Variants in TOGARAM2 observed in about 807,000 individuals in gnomAD.
TOGARAM2 encodes the protein TOG array regulator of axonemal microtubules protein 2.
Under a neutral mutation model 93.3 loss-of-function variants are expected in TOGARAM2, and 85 were observed. The ratio of observed to expected loss-of-function variants is 0.91; its 90% confidence interval spans 0.76 to 1.09. TOGARAM2 has a LOEUF of 1.09. Among genes scored for constraint, TOGARAM2 ranks in the 50% least tolerant of loss-of-function variants. TOGARAM2 has a pLI of 0.00. For synonymous variants in TOGARAM2, 593 were observed against 552.8 expected (o/e 1.07, Z -1.02); for missense variants, 1,277 against 1,334.5 (o/e 0.96, Z 0.67).
At chr2:28,980,365 G>C (rs1672130757), upstream of TOGARAM2, among the ~76,000 whole-genome samples, 1 of 152,232 alleles carries the variant, frequency 6.6e-6, no homozygotes, top group South Asian at 2.1e-4. Flanking sequence ...CCCAGGCCTC[G>C]TGGGGTGTAG....
At chr2:28,978,801 C>T (rs1051458941), upstream of TOGARAM2, among the ~76,000 whole-genome samples, 4 of 152,018 alleles carry the variant, frequency 2.6e-5, no homozygotes, top group Admixed American at 1.3e-4. Flanking sequence ...CCAGGAGAGT[C>T]GGGGCAATGA....
chr2:29,041,658 A>G (rs533837259), intron 18 of TOGARAM2, among the ~76,000 whole-genome samples: 27 of 152,230 alleles, frequency 1.8e-4, no homozygotes, highest in African/African-American at 4.6e-4. Context: ...CTCATTGTAG[A>G]GAGGGGAGTC....
chr2:29,047,229 G>C (rs1254377482), intron 19 of TOGARAM2: 1 of 152,378 alleles, frequency 6.6e-6, no homozygotes, highest in East Asian at 1.9e-4. Context: ...GGGGAGAACA[G>C]GGTATGTAAG....
At chr2:28,958,679 G>C (rs1671758671) in intron 1 of TOGARAM2, among the ~76,000 whole-genome samples, 1 of 152,104 alleles carries the variant, frequency 6.6e-6, no homozygotes, top group African/African-American at 2.4e-5. Flanking sequence ...TGAATTCAGG[G>C]GAAGCACGAC....
At chr2:28,995,269 G>T (rs1359981251) in intron 2 of TOGARAM2, among the ~76,000 whole-genome samples, 4 of 152,260 alleles carry the variant, frequency 2.6e-5, no homozygotes, top group African/African-American at 7.2e-5. Context: ...TGTGTGGCCA[G>T]TTAGCATCAG....
chr2:29,011,388 G>T, intron 6 of TOGARAM2, 67 bp from the exon 7 acceptor site: 1 of 1,519,144 alleles, frequency 6.6e-7, no homozygotes, highest in Admixed American at 1.8e-5. Flanking sequence ...AGCCACCCTG[G>T]GCTCCCCCAG....
intron 6 of TOGARAM2, among the ~76,000 whole-genome samples, chr2:29,008,844 T>G (rs896375553): frequency 2.0e-5 from 3 of 152,216 alleles, no homozygotes; most frequent in Non-Finnish European, 4.4e-5. Context: ...GTGGCTTCTG[T>G]GGGGCCAGGA....
chr2:29,027,110 G>A (rs1665437155), intron 14 of TOGARAM2, 99 bp downstream of exon 14: 1 of 1,261,466 alleles, frequency 7.9e-7, no homozygotes, highest in Non-Finnish European at 1.1e-6. Flanking sequence ...GGATCCTGCA[G>A]AGGGACAGGC....
upstream of TOGARAM2, among the ~76,000 whole-genome samples, chr2:28,978,371 G>A (rs1448558657): frequency 1.3e-5 from 2 of 152,166 alleles, no homozygotes; most frequent in Non-Finnish European, 2.9e-5. Flanking sequence ...CCAGCTACGT[G>A]TTCAGGAGAC....
intron 18 of TOGARAM2, 132 bp downstream of exon 18, chr2:29,036,889 G>T: frequency 1.1e-6 from 1 of 880,166 alleles, no homozygotes. Flanking sequence ...TAGGGCAGAG[G>T]TGGAGCCCAG....
At chr2:28,958,111 GAC>G (rs900583303) in intron 1 of TOGARAM2, among the ~76,000 whole-genome samples, 1 of 152,188 alleles carries the variant, frequency 6.6e-6, no homozygotes, top group Non-Finnish European at 1.5e-5. Flanking sequence ...GAAAGTGAAA[GAC>G]AAATAGGTCC....
rs1381443473 is a variant in TOGARAM2, at chr2:29,051,745, C to T, written c.2723-11C>T. 3 of 1,474,600 alleles carry T rather than the reference C, an allele frequency of 2.0e-6. No homozygotes were observed. Among genetic ancestry groups the T allele is most frequent in the East Asian group, 2.5e-5 (1 of 39,590 alleles). The allele number at this position is 1,474,600 out of a possible 1,614,324, so 91.3% of individuals were successfully genotyped here. A position where few individuals can be genotyped will look rare whatever the true frequency, so the allele number is the denominator to read the frequency against. On this transcript the variant is annotated splice_polypyrimidine_tract_variant and intron_variant, in intron 19 of 19. Transcript: ENST00000379558. ...GCCTGGCTCAAGTGACTCTCCTTTTCTGCCTGACAGTGCTGGTGGCCTCAG... is the reference window on the plus strand; with the variant it reads ...GCCTGGCTCAAGTGACTCTCCTTTTTTGCCTGACAGTGCTGGTGGCCTCAG...
chr2:29,033,988 G>A (rs1457859747), intron 16 of TOGARAM2, among the ~76,000 whole-genome samples: 1 of 152,140 alleles, frequency 6.6e-6, no homozygotes, highest in Non-Finnish European at 1.5e-5. Context: ...TGGGAGGAGG[G>A]GGTGTGGGGT....
rs763540158 is a variant in TOGARAM2 at position 29,011,451 on chromosome 2, T to C, written c.831-4T>C. 1.3e-5 allele frequency: 21 copies of C among 1,610,912 alleles called. No individual in the cohort carries two copies. Among genetic ancestry groups the C allele is most frequent in the Non-Finnish European group, 1.8e-5 (21 of 1,178,652 alleles). Reference sequence around the variant, plus strand: ...GATGCTTTTCTCTCCCCCGTTCTTTTAAGATTGGCTCGGGGGAGTGGGCCT... The same window carrying C: ...GATGCTTTTCTCTCCCCCGTTCTTTCAAGATTGGCTCGGGGGAGTGGGCCT... On this transcript the variant is annotated splice_region_variant and splice_polypyrimidine_tract_variant and intron_variant, in intron 6 of 19. Coordinates refer to ENST00000379558, the MANE Select transcript of TOGARAM2 (RefSeq NM_199280.4).
At chr2:28,991,086 T>C (rs1213359223) in intron 1 of TOGARAM2, among the ~76,000 whole-genome samples, 1 of 150,500 alleles carries the variant, frequency 6.6e-6, no homozygotes, top group Middle Eastern at 3.2e-3. Flanking sequence ...CTGACATTAT[T>C]GAGCAATTAC....
chr2:28,972,759 C>G (rs1013391088), intron 1 of TOGARAM2, among the ~76,000 whole-genome samples: 1 of 152,136 alleles, frequency 6.6e-6, no homozygotes, highest in Admixed American at 6.5e-5. Context: ...TCTTACATGT[C>G]CTCCATATTC....
chr2:29,017,956 G>C lies in TOGARAM2; in HGVS notation c.1360G>C (p.Ala454Pro). 1.3e-6 allele frequency: 2 copies of C among 1,599,856 alleles called. No individual in the cohort carries two copies. The highest frequency in any genetic ancestry group is 1.7e-6 in the Non-Finnish European group (2 of 1,172,306). The change falls in exon 10 of 20, where the codon GCT (alanine) becomes CCT (proline). Residue 454 changes from alanine to proline, a missense_variant and splice_region_variant. Coordinates refer to ENST00000379558, the MANE Select transcript of TOGARAM2 (RefSeq NM_199280.4). ...GCCCCGCTTTGCCCGCCACGCCTCA[G>C]GTGGGCAGGCCCGACTGGCAGGCAC... Reference protein sequence around the residue: ...QEPRFARHASANSLPAVLTLG... With the variant: ...QEPRFARHASPNSLPAVLTLG...
rs780629211 is a variant in TOGARAM2, at chr2:29,022,230, C to T, written c.1433C>T (p.Ala478Val). 6.2e-7 allele frequency: 1 copy of T among 1,614,026 alleles called. No homozygotes were observed. The highest frequency in any genetic ancestry group is 8.5e-7 in the Non-Finnish European group (1 of 1,179,890). The change falls in exon 11 of 20, where the codon GCC (alanine) becomes GTC (valine). Residue 478 changes from alanine to valine, a missense_variant. Ala to Val is a moderately conservative substitution (Grantham distance 64, BLOSUM62 0). Coordinates refer to ENST00000379558, the MANE Select transcript of TOGARAM2 (RefSeq NM_199280.4). ...GAAGAGGAGGAGATGGATCTTAGAG[C>T]CTGTAAGGAGTTGAGGCCTTTCTCG... ...WEEEEEMDLRACKELRPFSNP... is the reference protein window; with the variant it reads ...WEEEEEMDLRVCKELRPFSNP...
chr2:28,986,202 G>C (rs188175048), intron 1 of TOGARAM2, among the ~76,000 whole-genome samples: 1 of 151,304 alleles, frequency 6.6e-6, no homozygotes, highest in African/African-American at 2.4e-5. Context: ...ATCAAACATG[G>C]CAGCCCTGCT....
Sources: allele counts gnomAD v4.1 joint callset (sites outside exome capture counted in the v4.1 genomes callset), GRCh38; gene constraint gnomAD v4.1.1; transcripts MANE v1.5; gene names NCBI Gene and HGNC (gene_info 2026-07-23, HGNC 2026-07-21).